Variants in KLHL1 observed in about 807,000 individuals in gnomAD.
KLHL1 encodes the protein kelch-like protein 1.
Under a neutral mutation model 77.7 loss-of-function variants are expected in KLHL1, and 47 were observed. That is an observed-to-expected ratio of 0.60 (90% confidence interval 0.48 to 0.77). The LOEUF (loss-of-function observed/expected upper bound fraction) is 0.77, where lower values mean the gene tolerates loss of function less well. Among genes scored for constraint, KLHL1 ranks in the 30% least tolerant of loss-of-function variants. The pLI, the probability that KLHL1 is intolerant of heterozygous loss-of-function variation, is 0.00. For missense variants in KLHL1, 925 were observed against 910.8 expected (o/e 1.02, Z -0.20); for synonymous variants, 360 against 325.2 (o/e 1.11, Z -1.15).
chr13:69,807,956 G>A (rs1043808139), intron 6 of KLHL1, among the ~76,000 whole-genome samples: 1 of 152,054 alleles, frequency 6.6e-6, no homozygotes, highest in Non-Finnish European at 1.5e-5. Flanking sequence ...GAATAAGAAG[G>A]AGGCAGATGT....
At chr13:69,819,601 C>T (rs1218979888) in intron 6 of KLHL1, among the ~76,000 whole-genome samples, 1 of 146,512 alleles carries the variant, frequency 6.8e-6, no homozygotes, top group African/African-American at 2.6e-5. Context: ...AGTAGTCATT[C>T]AACAAGGAGG....
intron 2 of KLHL1, among the ~76,000 whole-genome samples, chr13:69,968,218 T>G (rs1045326998): frequency 2.7e-4 from 41 of 152,184 alleles, no homozygotes; most frequent in Middle Eastern, 6.8e-3. Flanking sequence ...CAGATGATTG[T>G]TAGCATTTTT....
At chr13:69,939,206 T>C (rs998041432) in intron 4 of KLHL1, among the ~76,000 whole-genome samples, 1 of 150,988 alleles carries the variant, frequency 6.6e-6, no homozygotes, top group Non-Finnish European at 1.5e-5. Context: ...CTGGTTATTC[T>C]ATCCTAGAAT....
At chr13:70,075,610 GGACTTACATATATATA>G (rs1566554837) in intron 1 of KLHL1, among the ~76,000 whole-genome samples, 23 of 56,198 alleles carry the variant, frequency 4.1e-4, no homozygotes, top group African/African-American at 1.2e-3. Context: ...CATATATATA[GGACTTACATATATATA>G]TGTATATATA....
intron 4 of KLHL1, among the ~76,000 whole-genome samples, chr13:69,915,434 T>C (rs957353824): frequency 2.0e-5 from 3 of 152,046 alleles, no homozygotes; most frequent in Non-Finnish European, 4.4e-5. Flanking sequence ...TCAGAAATAA[T>C]GCTGCATATC....
At chr13:69,762,952 T>C (rs1431773498) in intron 7 of KLHL1, among the ~76,000 whole-genome samples, 1 of 151,996 alleles carries the variant, frequency 6.6e-6, no homozygotes, top group African/African-American at 2.4e-5. Context: ...CCATAATCAG[T>C]CAGAAGCAGA....
intron 3 of KLHL1, among the ~76,000 whole-genome samples, chr13:69,948,834 T>C (rs1049675075): frequency 6.6e-6 from 1 of 151,896 alleles, no homozygotes; most frequent in Non-Finnish European, 1.5e-5. Context: ...AGGTATTGTT[T>C]TAGGAATGTG....
At chr13:70,037,858 T>G (rs1238079321) in intron 1 of KLHL1, among the ~76,000 whole-genome samples, 1 of 152,148 alleles carries the variant, frequency 6.6e-6, no homozygotes, top group African/African-American at 2.4e-5. Context: ...TGTGTAGTAT[T>G]TTTTGACAGA....
chr13:69,995,288 G>C lies in KLHL1; in HGVS notation c.498-19486C>G, dbSNP rs183840808. Among the ~76,000 whole-genome samples the C allele has an allele frequency of 2.0e-5, 3 of 152,136 alleles. No homozygotes were observed. In the East Asian group the frequency reaches 5.8e-4, roughly 29 times the overall value. ...TTCCAAGGGTAGAGTGTTGATTTAC[G>C]TGTGTATATACAACTCCAGAGGTAA... On this transcript the variant is annotated intron_variant, in intron 1 of 10. Coordinates refer to ENST00000377844, the MANE Select transcript of KLHL1 (RefSeq NM_020866.3).
At chr13:70,032,227 A>G (rs1023086182) in intron 1 of KLHL1, among the ~76,000 whole-genome samples, 1 of 152,176 alleles carries the variant, frequency 6.6e-6, no homozygotes, top group South Asian at 2.1e-4. Context: ...ACGTAAAAAG[A>G]CTTGATGGGA....
Position 69,831,949 on chromosome 13 carries a change from T to A in KLHL1, c.1414+7027A>T, listed in dbSNP as rs1162867598. Among the ~76,000 whole-genome samples the A allele has an allele frequency of 2.7e-5, 4 of 149,888 alleles. 1 individual carries two copies. The highest frequency in any genetic ancestry group is 1.0e-4 in the African/African-American group (4 of 39,988). On this transcript the variant is annotated intron_variant, in intron 6 of 10. Coordinates refer to ENST00000377844, the MANE Select transcript of KLHL1 (RefSeq NM_020866.3). ...AAACTGGCATAGAGGGGACATACTT[T>A]AAGATAATAAAAGCCATCTATGGCA... is the stretch of plus-strand genomic sequence containing the variant.
intron 5 of KLHL1, among the ~76,000 whole-genome samples, chr13:69,876,547 C>A (rs1880769083): frequency 6.6e-6 from 1 of 152,154 alleles, no homozygotes; most frequent in Non-Finnish European, 1.5e-5. Flanking sequence ...TTAGATTAAA[C>A]CATATTCCTC....
intron 7 of KLHL1, among the ~76,000 whole-genome samples, chr13:69,741,845 T>G (rs1776734001): frequency 6.6e-6 from 1 of 152,196 alleles, no homozygotes; most frequent in South Asian, 2.1e-4. Flanking sequence ...CATTAAGATA[T>G]TCTATCTCCC....
chr13:70,075,276 G>A (rs1345587244), intron 1 of KLHL1, among the ~76,000 whole-genome samples: 1 of 151,528 alleles, frequency 6.6e-6, no homozygotes, highest in Admixed American at 6.6e-5. Context: ...AACTGCACAA[G>A]AGCAAAGGTA....
intron 1 of KLHL1, among the ~76,000 whole-genome samples, chr13:70,080,707 C>T (rs906570650): frequency 1.8e-4 from 27 of 152,112 alleles, no homozygotes; most frequent in African/African-American, 6.5e-4. Context: ...TGCAATTCTC[C>T]TTCCTCAGCC....
chr13:69,857,720 A>G (rs540110669), intron 5 of KLHL1, among the ~76,000 whole-genome samples: 6 of 152,050 alleles, frequency 3.9e-5, no homozygotes, highest in Non-Finnish European at 8.8e-5. Context: ...CATTTAACTA[A>G]CTATGCAGTA....
chr13:69,956,690 T>A (rs1271848010), intron 3 of KLHL1, among the ~76,000 whole-genome samples: 1 of 151,564 alleles, frequency 6.6e-6, no homozygotes, highest in Non-Finnish European at 1.5e-5. Context: ...ATTTCAAGGT[T>A]ACTTTTACCT....
At chr13:69,823,824 C>T (rs1878438858) in intron 6 of KLHL1, among the ~76,000 whole-genome samples, 1 of 151,924 alleles carries the variant, frequency 6.6e-6, no homozygotes, top group Non-Finnish European at 1.5e-5. Flanking sequence ...TTTTTTCTCT[C>T]TCTCTCTCTT....
At chr13:69,894,018 C>T (rs1320354929) in intron 4 of KLHL1, 1 of 152,484 alleles carries the variant, frequency 6.6e-6, no homozygotes, top group African/African-American at 2.4e-5. Context: ...ACTCCCCCAG[C>T]CTCACTTGGG....
Sources: gnomAD v4.1 joint callset for allele counts (sites outside exome capture counted in the v4.1 genomes callset) on GRCh38, gnomAD v4.1.1 for gene constraint, MANE v1.5 for transcripts, NCBI Gene and HGNC (gene_info 2026-07-23, HGNC 2026-07-21) for gene names.